Variants in CRYBG2 observed in about 807,000 individuals in gnomAD.
CRYBG2 encodes the protein crystallin beta-gamma domain containing 2.
A neutral mutation model predicts 153.4 loss-of-function variants in CRYBG2; 106 were observed. The observed-to-expected ratio is 0.69, with a 90% CI of 0.59 to 0.81. The LOEUF (loss-of-function observed/expected upper bound fraction) is 0.81. Among genes scored for constraint, CRYBG2 ranks in the 30% least tolerant of loss-of-function variants. CRYBG2 has a pLI of 0.00. For synonymous variants in CRYBG2, 851 were observed against 877.8 expected (o/e 0.97, Z 0.54); for missense variants, 1,996 against 2,112.0 (o/e 0.95, Z 1.08).
Position 26,343,984 on chromosome 1 carries a change from A to G in CRYBG2, c.2674T>C (p.Leu892=), listed in dbSNP as rs757740057. The part of the protein sequence containing the change: ...GTKGPHSELG[L]ELQGGSRPTS... The stretch of plus-strand genomic sequence containing the variant: ...GGCCTGCTGCCTCCCTGCAGTTCCA[A>G]TCCCAGCTCTGAGTGGGGGCCCTTG... The change falls in exon 2 of 20, where the codon TTG becomes CTG. Residue 892 remains leucine (L), a synonymous_variant. Coordinates refer to ENST00000308182, the MANE Select transcript of CRYBG2 (RefSeq NM_001039775.4). This position sits in a 1 kb window ranked among gnomAD's most constrained non-coding sequence, Gnocchi z 4.1. The G allele has an allele frequency of 2.9e-5, 44 of 1,536,636 alleles. No homozygotes were observed. Among genetic ancestry groups the G allele is most frequent in the African/African-American group, 1.2e-4 (9 of 73,038 alleles).
At chr1:26,333,219 G>A (rs2074019293) in intron 14 of CRYBG2, among the ~76,000 whole-genome samples, 2 of 151,856 alleles carry the variant, frequency 1.3e-5, no homozygotes, top group Non-Finnish European at 1.5e-5. Context: ...AGGTAATTCG[G>A]TTTAGAGGGG....
chr1:26,339,039 A>G (rs867069899), intron 6 of CRYBG2, among the ~76,000 whole-genome samples: 1 of 152,138 alleles, frequency 6.6e-6, no homozygotes, highest in Admixed American at 6.5e-5. Context: ...TTCTTGGCCA[A>G]CTCATCCCAG....
At chr1:26,322,136 G>A (rs781613979) in intron 19 of CRYBG2, 28 bp downstream of exon 19, 2 of 1,604,520 alleles carry the variant, frequency 1.2e-6, no homozygotes, top group East Asian at 2.2e-5. Context: ...CCCCTCAGGA[G>A]CCCTCTTCCC....
At position 26,346,126 on chromosome 1, in the gene CRYBG2, C is replaced by T; in HGVS notation, c.532G>A (p.Val178Met). Residue 178 changes from valine to methionine, a missense_variant, in exon 2 of 20, where the codon GTG becomes ATG. Coordinates refer to ENST00000308182, the MANE Select transcript of CRYBG2 (RefSeq NM_001039775.4). This position sits in a 1 kb window ranked among gnomAD's most constrained non-coding sequence, Gnocchi z 4.9. ...CCTCCCACCACTGTGGTGGTCCGCA[C>T]AGTGCGTGTCACTCGGTATTCCTCG... is the stretch of plus-strand genomic sequence containing the variant. ...SLEEYRVTRTVRTTTVVGGHV... is the reference protein window; with the variant it reads ...SLEEYRVTRTMRTTTVVGGHV... 1.3e-6 allele frequency: 2 copies of T among 1,560,656 alleles called. No homozygotes were observed. The highest frequency in any genetic ancestry group is 1.7e-6 in the Non-Finnish European group (2 of 1,157,680).
intron 1 of CRYBG2, among the ~76,000 whole-genome samples, chr1:26,351,950 T>C (rs1226624957): frequency 6.6e-6 from 1 of 152,158 alleles, no homozygotes; most frequent in Non-Finnish European, 1.5e-5. Context: ...CCAGAGCCCT[T>C]TCTTCTGCAG....
rs1479718418 is a variant in CRYBG2 at position 26,336,742 on chromosome 1, G to A, written c.3912-10C>T. On this transcript the variant is annotated splice_polypyrimidine_tract_variant and intron_variant, in intron 11 of 19. Transcript: ENST00000308182. The surrounding 1 kb of genome is among the most constrained non-coding windows in gnomAD (Gnocchi z 4.9). ...CTGGTAGGCCACCCACCTGCAGGAAGGGCGGGGCGCGAGTCAGCTGGGACG... is the reference window on the plus strand; with the variant it reads ...CTGGTAGGCCACCCACCTGCAGGAAAGGCGGGGCGCGAGTCAGCTGGGACG... 1 of 1,582,776 alleles carries A rather than the reference G, an allele frequency of 6.3e-7. No homozygotes were observed. Among genetic ancestry groups the A allele is most frequent in the African/African-American group, 1.3e-5 (1 of 74,264 alleles).
rs372963724 is a variant in CRYBG2, at chr1:26,331,558, C to T, written c.4245G>A (p.Glu1415=). 8 of 1,614,004 alleles carry T rather than the reference C, an allele frequency of 5.0e-6. No homozygotes were observed. The highest frequency in any genetic ancestry group is 6.8e-6 in the Non-Finnish European group (8 of 1,180,026). Residue 1415 remains glutamate (E), a synonymous_variant, in exon 15 of 20, where the codon GAG becomes GAA. Coordinates refer to ENST00000308182, the MANE Select transcript of CRYBG2 (RefSeq NM_001039775.4). Reference sequence around the variant, plus strand: ...AGCCCATGGCCGTGAGAGTGGGGAACTCGCCCTCAGAGAGAATGTGCTGGT... The same window carrying T: ...AGCCCATGGCCGTGAGAGTGGGGAATTCGCCCTCAGAGAGAATGTGCTGGT... ...EGDQHILSEG[E]FPTLTAMGCL... is the part of the protein sequence containing the mutation.
rs1347122058 is a variant in CRYBG2 at position 26,338,049 on chromosome 1, T to C, written c.3472-2A>G. ...TGGCTTCTCCACACTTGGGCAGCCCTGCAGAGGAGACAGAGCTGAGACACC... is the reference window on the plus strand; with the variant it reads ...TGGCTTCTCCACACTTGGGCAGCCCCGCAGAGGAGACAGAGCTGAGACACC... On this transcript the variant is annotated splice_acceptor_variant, in intron 7 of 19. Coordinates refer to ENST00000308182, the MANE Select transcript of CRYBG2 (RefSeq NM_001039775.4). LOFTEE classifies it high-confidence loss of function. 6.2e-7 allele frequency: 1 copy of C among 1,612,562 alleles called. No individual in the cohort carries two copies. Among genetic ancestry groups the C allele is most frequent in the East Asian group, 2.2e-5 (1 of 44,880 alleles).
rs1369057919 is a variant in CRYBG2 at position 26,336,290 on chromosome 1, A to G, written c.4071+48T>C. On this transcript the variant is annotated intron_variant, in intron 13 of 19. Transcript: ENST00000308182. The surrounding 1 kb of genome is among the most constrained non-coding windows in gnomAD (Gnocchi z 4.9). ...GCGGGGAGGGGAAAGGTCCGAAATGAGGGGAGAGACGTGAGCCCAGCGGCT... is the reference window on the plus strand; with the variant it reads ...GCGGGGAGGGGAAAGGTCCGAAATGGGGGGAGAGACGTGAGCCCAGCGGCT... 2 of 1,610,614 alleles carry G rather than the reference A, an allele frequency of 1.2e-6. No individual in the cohort carries two copies. Among genetic ancestry groups the G allele is most frequent in the Admixed American group, 1.7e-5 (1 of 59,710 alleles).
At chr1:26,341,273 G>A (rs562646550) in intron 5 of CRYBG2, among the ~76,000 whole-genome samples, 38 of 151,418 alleles carry the variant, frequency 2.5e-4, no homozygotes, top group South Asian at 8.4e-4. Context: ...CCCAGGAGGC[G>A]GAGGCTGCTG....
At chr1:26,341,043 A>G (rs2074122920) in intron 5 of CRYBG2, among the ~76,000 whole-genome samples, 1 of 152,096 alleles carries the variant, frequency 6.6e-6, no homozygotes, top group African/African-American at 2.4e-5. Context: ...TTCTTTCATT[A>G]GAAACGAAAA....
At chr1:26,337,113 G>A in intron 10 of CRYBG2, 133 bp from the exon 11 acceptor site, 1 of 1,550,452 alleles carries the variant, frequency 6.4e-7, no homozygotes, top group Non-Finnish European at 8.7e-7. Flanking sequence ...AAGAGCAGCA[G>A]GGGAAGAGAG....
intron 19 of CRYBG2, 41 bp downstream of exon 19, chr1:26,322,123 A>G: frequency 6.2e-7 from 1 of 1,601,024 alleles, no homozygotes. Flanking sequence ...CATGGCTCTC[A>G]GCCCCCTCAG....
Position 26,336,722 on chromosome 1 carries a change from A to G in CRYBG2, c.3922T>C (p.Tyr1308His). The change falls in exon 12 of 20, where the codon TAC (tyrosine) becomes CAC (histidine). Residue 1308 changes from tyrosine (Y) to histidine (H), a missense_variant. Tyr to His is a moderately conservative substitution (Grantham distance 83). Transcript: ENST00000308182. The surrounding 1 kb of genome is among the most constrained non-coding windows in gnomAD (Gnocchi z 4.9). The stretch of plus-strand genomic sequence containing the variant: ...TCCCCGGAGAAGCCCACCTCCTGGT[A>G]GGCCACCCACCTGCAGGAAGGGCGG... ...IHVLSGVWVA[Y>H]QEVGFSGEQY... 6.3e-7 allele frequency: 1 copy of G among 1,582,700 alleles called. No homozygotes were observed. Among genetic ancestry groups the G allele is most frequent in the Non-Finnish European group, 8.6e-7 (1 of 1,164,116 alleles).
At chr1:26,338,531 A>T in intron 6 of CRYBG2, 54 bp from the exon 7 acceptor site, 1 of 1,512,450 alleles carries the variant, frequency 6.6e-7, no homozygotes, top group South Asian at 1.3e-5. Flanking sequence ...CAAGGGACAC[A>T]GATTGGTGGG....
chr1:26,339,026 A>G lies in CRYBG2; in HGVS notation c.3344+264T>C, dbSNP rs138840219. The stretch of plus-strand genomic sequence containing the variant: ...CACAATCTCTGCCCTCATGGAGCTT[A>G]GATTCTTGGCCAACTCATCCCAGCA... On this transcript the variant is annotated intron_variant, in intron 6 of 19. Transcript: ENST00000308182. Among the ~76,000 whole-genome samples the G allele has an allele frequency of 2.3e-4, 35 of 152,312 alleles. No individual in the cohort carries two copies. In the East Asian group the frequency reaches 5.8e-3, roughly 25 times the overall value.
chr1:26,352,096 T>C (rs2074293236), intron 1 of CRYBG2, among the ~76,000 whole-genome samples: 1 of 151,992 alleles, frequency 6.6e-6, no homozygotes, highest in African/African-American at 2.4e-5. Context: ...CAACAAGTCC[T>C]GGATTCTCCC....
Position 26,351,609 on chromosome 1 carries a change from C to T in CRYBG2, c.-56+2427G>A, listed in dbSNP as rs557348605. Reference sequence around the variant, plus strand: ...GGAGAGCAATGTTAAAGGAGGCGGCCGATCATGAGATCAGATATTGTCGAT... The same window carrying T: ...GGAGAGCAATGTTAAAGGAGGCGGCTGATCATGAGATCAGATATTGTCGAT... On this transcript the variant is annotated intron_variant, in intron 1 of 19. Transcript: ENST00000308182. Among the ~76,000 whole-genome samples the T allele has an allele frequency of 2.6e-5, 4 of 152,230 alleles. No homozygotes were observed. The East Asian group carries it at 7.7e-4, about 29-fold the overall frequency.
Position 26,342,743 on chromosome 1 carries a change from AACTC to A in CRYBG2, c.3204+7_3204+10del. 6.2e-7 allele frequency: 1 copy of A among 1,611,780 alleles called. No homozygotes were observed. Among genetic ancestry groups the A allele is most frequent in the Non-Finnish European group, 8.5e-7 (1 of 1,179,516 alleles). On this transcript the variant is annotated splice_region_variant and intron_variant, in intron 5 of 19. Coordinates refer to ENST00000308182, the MANE Select transcript of CRYBG2 (RefSeq NM_001039775.4). Reference sequence around the variant, plus strand: ...GCACTCGAGGCCGTCTCCCACCTCCAACTCACTCACCCAGACAACCCTCCTTAGG... The same window carrying A: ...GCACTCGAGGCCGTCTCCCACCTCCAACTCACCCAGACAACCCTCCTTAGG...
Sources: allele counts gnomAD v4.1 joint callset (sites outside exome capture counted in the v4.1 genomes callset), GRCh38; gene constraint gnomAD v4.1.1; non-coding constraint Gnocchi (gnomAD v3.1); transcripts MANE v1.5; gene names NCBI Gene and HGNC (gene_info 2026-07-23, HGNC 2026-07-21).